The following PLCZ1 variants were observed in gnomAD, a reference collection of about 807,000 sequenced individuals.
PLCZ1 encodes 1-phosphatidylinositol 4,5-bisphosphate phosphodiesterase zeta-1.
PLCZ1 carries 64 observed loss-of-function variants against 76.8 expected under a neutral mutation model. That is an observed-to-expected ratio of 0.83 (90% CI 0.68 to 1.03). The LOEUF (loss-of-function observed/expected upper bound fraction) is 1.03, where lower values mean the gene tolerates loss of function less well. Ranked by LOEUF, PLCZ1 falls within the 50% of genes least tolerant of loss-of-function variation. The pLI, the probability that PLCZ1 is intolerant of heterozygous loss-of-function variation, is 0.00. For synonymous variants in PLCZ1, 248 were observed against 230.8 expected (o/e 1.07, Z -0.68); for missense variants, 751 against 713.7 (o/e 1.05, Z -0.60).
At chr12:18,695,844 G>A (rs1954901610) in intron 11 of PLCZ1, among the ~76,000 whole-genome samples, 2 of 152,066 alleles carry the variant, frequency 1.3e-5, no homozygotes, top group African/African-American at 4.8e-5. Flanking sequence ...CTCAAGCAAA[G>A]GAATTTGATC....
At chr12:18,725,452 A>G (rs541802826) in intron 3 of PLCZ1, among the ~76,000 whole-genome samples, 1 of 152,140 alleles carries the variant, frequency 6.6e-6, no homozygotes, top group African/African-American at 2.4e-5. Context: ...ATTTTTAACT[A>G]ACTCTAAGAC....
At chr12:18,702,508 G>T (rs4764419) in intron 7 of PLCZ1, among the ~76,000 whole-genome samples, 65,986 of 151,922 alleles carry the variant, frequency 0.43, 16,582 homozygotes, top group South Asian at 0.61. Flanking sequence ...CTTTTCTCCA[G>T]GGAGCTTTGA....
At chr12:18,687,425 A>ACTT in intron 13 of PLCZ1, among the ~76,000 whole-genome samples, 1 of 152,128 alleles carries the variant, frequency 6.6e-6, no homozygotes, top group African/African-American at 2.4e-5. Flanking sequence ...CTTCAAGGTG[A>ACTT]TCCTGACCAG....
At chr12:18,702,081 T>C (rs1471115183) in intron 7 of PLCZ1, among the ~76,000 whole-genome samples, 1 of 152,146 alleles carries the variant, frequency 6.6e-6, no homozygotes, top group Non-Finnish European at 1.5e-5. Flanking sequence ...AGTATATATA[T>C]ATAAATACTT....
the PLCZ1 span, among the ~76,000 whole-genome samples, chr12:18,656,699 C>A: frequency 6.6e-6 from 1 of 151,968 alleles, no homozygotes; most frequent in Non-Finnish European, 1.5e-5. Flanking sequence ...CATGCCACTG[C>A]ACTCCAGCCT....
the PLCZ1 span, among the ~76,000 whole-genome samples, chr12:18,678,144 T>C: frequency 6.6e-6 from 1 of 152,062 alleles, no homozygotes. Flanking sequence ...ACACCTCCTA[T>C]TCATTCAATT....
At chr12:18,654,290 T>G in the PLCZ1 span, among the ~76,000 whole-genome samples, 4 of 59,538 alleles carry the variant, frequency 6.7e-5, no homozygotes, top group East Asian at 2.7e-3. Context: ...GAAACACTAG[T>G]ACCTAAAAAA....
At chr12:18,650,696 G>GTATATATATATA in the PLCZ1 span, among the ~76,000 whole-genome samples, 1 of 43,704 alleles carries the variant, frequency 2.3e-5, no homozygotes, top group Non-Finnish European at 3.6e-5. Flanking sequence ...GTGTGTGTGT[G>GTATATATATATA]TGTGTGTGTA....
At chr12:18,694,519 A>C (rs1002574904) in intron 12 of PLCZ1, among the ~76,000 whole-genome samples, 43 of 152,170 alleles carry the variant, frequency 2.8e-4, no homozygotes, top group Admixed American at 5.2e-4. Context: ...ACTGAGGAAA[A>C]GAAAAGGGCT....
intron 11 of PLCZ1, 107 bp from the exon 12 acceptor site, chr12:18,695,186 C>G: frequency 8.8e-7 from 1 of 1,137,446 alleles, no homozygotes; most frequent in Admixed American, 1.9e-5. Flanking sequence ...CCCAAATGTT[C>G]TATGAGCAAG....
Position 18,723,345 on chromosome 12 carries a change from A to C in PLCZ1, c.333T>G (p.Phe111Leu), listed in dbSNP as rs149325247. Reference protein sequence around the residue: ...YAAEMSKAIAFEIIQKYEPIE... With the variant: ...YAAEMSKAIALEIIQKYEPIE... Reference sequence around the variant, plus strand: ...TAGGCTCGTATTTCTGAATGATCTCAAAAGCAATAGCTTTACTCATCTCAG... The same window carrying C: ...TAGGCTCGTATTTCTGAATGATCTCCAAAGCAATAGCTTTACTCATCTCAG... The change falls in exon 4 of 15, where the codon TTT becomes TTG. Residue 111 changes from phenylalanine (F) to leucine (L), a missense_variant. Coordinates refer to ENST00000266505, the MANE Select transcript of PLCZ1 (RefSeq NM_033123.4). 3.5e-5 allele frequency: 57 copies of C among 1,612,600 alleles called. No homozygotes were observed. In the East Asian group the frequency reaches 1.2e-3, roughly 35 times the overall value.
At chr12:18,718,363 T>C (rs1259171993) in intron 5 of PLCZ1, among the ~76,000 whole-genome samples, 2 of 152,092 alleles carry the variant, frequency 1.3e-5, no homozygotes, top group Non-Finnish European at 2.9e-5. Context: ...CTCCACATTA[T>C]TGAATAAATC....
rs759585710 is a variant in PLCZ1, at chr12:18,683,202, G to A, written c.*37C>T. 31 of 1,552,144 alleles carry A rather than the reference G, an allele frequency of 2.0e-5. No homozygotes were observed. The highest frequency in any genetic ancestry group is 3.4e-4 in the Middle Eastern group (2 of 5,948). On this transcript the variant is annotated 3_prime_UTR_variant, in exon 15 of 15. Coordinates refer to ENST00000266505, the MANE Select transcript of PLCZ1 (RefSeq NM_033123.4). ...ACATTCATTTTGGCTGTTTTATTGC[G>A]ATGCATAGCTAATGATATGTCATTT... is the stretch of plus-strand genomic sequence containing the variant.
chr12:18,736,792 C>A (rs996479183), intron 2 of PLCZ1: 3 of 692,166 alleles, frequency 4.3e-6, no homozygotes, highest in Admixed American at 4.7e-5. Context: ...AATATGCCAC[C>A]GAACACAGTT....
intron 13 of PLCZ1, among the ~76,000 whole-genome samples, chr12:18,687,410 G>A: frequency 6.6e-6 from 1 of 152,100 alleles, no homozygotes; most frequent in African/African-American, 2.4e-5. Flanking sequence ...CAGTTCCAAT[G>A]TCTCCTTCAA....
chr12:18,717,689 C>T (rs1397364569), intron 5 of PLCZ1, among the ~76,000 whole-genome samples: 1 of 152,110 alleles, frequency 6.6e-6, no homozygotes, highest in African/African-American at 2.4e-5. Context: ...TCTCAGCCAA[C>T]AGTATTACTG....
At chr12:18,720,582 A>T (rs1958381563) in intron 4 of PLCZ1, among the ~76,000 whole-genome samples, 1 of 151,786 alleles carries the variant, frequency 6.6e-6, no homozygotes, top group Admixed American at 6.6e-5. Flanking sequence ...TGGGGGTAAT[A>T]ATAGGATCTA....
At chr12:18,683,760 C>A in intron 14 of PLCZ1, 1 of 591,876 alleles carries the variant, frequency 1.7e-6, no homozygotes, top group Non-Finnish European at 2.9e-6. Flanking sequence ...GTCTCAGGCT[C>A]CCAATCTCTT....
chr12:18,690,968 T>C (rs1953980707), intron 12 of PLCZ1, among the ~76,000 whole-genome samples: 1 of 152,100 alleles, frequency 6.6e-6, no homozygotes, highest in African/African-American at 2.4e-5. Context: ...ATTAGCACTG[T>C]AGCAAAATCT....
Sources: gnomAD v4.1 joint callset for allele counts (sites outside exome capture counted in the v4.1 genomes callset) on GRCh38, gnomAD v4.1.1 for gene constraint, MANE v1.5 for transcripts, NCBI Gene and HGNC (gene_info 2026-07-23, HGNC 2026-07-21) for gene names.